SUGP1: variants seen among roughly 807,000 people sequenced by gnomAD.
The protein encoded by SUGP1 is SURP and G-patch domain-containing protein 1.
In SUGP1, 34 loss-of-function variants were observed where a neutral mutation model predicts 76.5. That is an observed-to-expected ratio of 0.44 (90% confidence interval 0.34 to 0.59). The LOEUF is 0.59. Among genes scored for constraint, SUGP1 ranks in the 20% least tolerant of loss-of-function variants. SUGP1 has a pLI of 0.01. For synonymous variants in SUGP1, 326 were observed against 326.2 expected, an observed-to-expected ratio of 1.00 and a Z score of 0.01; for missense variants, 752 against 851.7, an observed-to-expected ratio of 0.88 and a Z score of 1.46.
intron 2 of SUGP1, among the ~76,000 whole-genome samples, chr19:19,312,784 G>A (rs1268104632): frequency 2.0e-5 from 3 of 151,624 alleles, no homozygotes; most frequent in Admixed American, 6.6e-5. Context: ...TCAGGAGATC[G>A]AGACCATCCT....
rs140052030 is a variant in SUGP1, at chr19:19,279,125, C to T, written c.1528+88G>A. ...GCTAAACCAGGATGGCAGCTCAAGA[C>T]CACGTGTGGCGCATCCAGGTAACCT... is the stretch of plus-strand genomic sequence containing the variant. On this transcript the variant is annotated intron_variant, in intron 10 of 13. Coordinates refer to ENST00000247001, the MANE Select transcript of SUGP1 (RefSeq NM_172231.4). 1.1e-3 allele frequency: 1,490 copies of T among 1,390,274 alleles called. 9 individuals are homozygous for T. The African/African-American group carries it at 0.019, about 18-fold the overall frequency. 86.1% of individuals were successfully genotyped at this position (1,390,274 alleles called of 1,614,324 possible).
At chr19:19,276,890 C>G in intron 13 of SUGP1, 57 bp downstream of exon 13, 16 of 1,602,334 alleles carry the variant, frequency 1.0e-5, no homozygotes, top group Non-Finnish European at 1.4e-5. Context: ...GCCTTCTGTT[C>G]CTACCACCAC....
chr19:19,311,233 C>A (rs2061350752), intron 2 of SUGP1, among the ~76,000 whole-genome samples: 1 of 151,694 alleles, frequency 6.6e-6, no homozygotes, highest in Non-Finnish European at 1.5e-5. Flanking sequence ...GCTCTGACAA[C>A]AGTATATCAG....
At chr19:19,279,058 C>T (rs973244493) in intron 10 of SUGP1, among the ~76,000 whole-genome samples, 155 bp downstream of exon 10, 1 of 152,178 alleles carries the variant, frequency 6.6e-6, no homozygotes, top group African/African-American at 2.4e-5. Context: ...AGAGACTGAG[C>T]CTCTCACTCC....
chr19:19,310,102 C>G lies in SUGP1; in HGVS notation c.305G>C (p.Ser102Thr), dbSNP rs1273127969. 1 of 1,613,084 alleles carries G rather than the reference C, an allele frequency of 6.2e-7. No homozygotes were observed. The highest frequency in any genetic ancestry group is 1.1e-5 in the South Asian group (1 of 91,058). ...QFLKLQKAQTSTDAPTSAPSA... is the reference protein window; with the variant it reads ...QFLKLQKAQTTTDAPTSAPSA... ...AAGGGGAGGCCTACACTCACCTGTG[C>G]TGGTCTGTGCCTTCTGCAACTTCAG... Residue 102 changes from serine to threonine, a missense_variant, in exon 3 of 14, where the codon AGC becomes ACC. Physicochemically the swap from Ser to Thr is moderately conservative, Grantham distance 58 (BLOSUM62 1). Coordinates refer to ENST00000247001, the MANE Select transcript of SUGP1 (RefSeq NM_172231.4).
In SUGP1 at chr19:19,310,258, C is replaced by T. The variant is rs984083646; in HGVS notation, c.207-58G>A. 1.1e-4 allele frequency: 144 copies of T among 1,343,850 alleles called. No homozygotes were observed. The highest frequency in any genetic ancestry group is 1.4e-4 in the Non-Finnish European group (133 of 936,742). The allele number at this position is 1,343,850 out of a possible 1,614,324, so 83.2% of individuals were successfully genotyped here. A position where few individuals can be genotyped will look rare whatever the true frequency, so the allele number is the denominator to read the frequency against. ...CTGGCTAGAGATGGAGTGAGGGCACCAGAGGACGAGGATGAGGATGAGGCC... is the reference window on the plus strand; with the variant it reads ...CTGGCTAGAGATGGAGTGAGGGCACTAGAGGACGAGGATGAGGATGAGGCC... On this transcript the variant is annotated intron_variant, in intron 2 of 13. Coordinates refer to ENST00000247001, the MANE Select transcript of SUGP1 (RefSeq NM_172231.4).
chr19:19,294,711 C>G (rs1413353339), intron 8 of SUGP1, among the ~76,000 whole-genome samples: 1 of 151,564 alleles, frequency 6.6e-6, no homozygotes, highest in Non-Finnish European at 1.5e-5. Flanking sequence ...CTAGGGAGGG[C>G]TGGATTACAG....
intron 2 of SUGP1, among the ~76,000 whole-genome samples, chr19:19,315,399 G>C (rs2061386237): frequency 6.6e-6 from 1 of 151,994 alleles, no homozygotes; most frequent in African/African-American, 2.4e-5. Flanking sequence ...CTACACTCCA[G>C]ACCCCAGAGG....
chr19:19,315,048 G>A (rs868600143), intron 2 of SUGP1, among the ~76,000 whole-genome samples: 4 of 151,414 alleles, frequency 2.6e-5, no homozygotes, highest in Admixed American at 6.6e-5. Flanking sequence ...AAAGGCAAAC[G>A]CTGCTGGGTG....
At chr19:19,285,028 T>C (rs374791037) in intron 8 of SUGP1, among the ~76,000 whole-genome samples, 3,018 of 149,444 alleles carry the variant, frequency 0.02, 107 homozygotes, top group African/African-American at 0.072. Flanking sequence ...CCACCGTGCC[T>C]GGCTAATTTT....
chr19:19,298,226 G>A lies in SUGP1; in HGVS notation c.888-882C>T, dbSNP rs182243545. On this transcript the variant is annotated intron_variant, in intron 7 of 13. Coordinates refer to ENST00000247001, the MANE Select transcript of SUGP1 (RefSeq NM_172231.4). ...CCTTTGTGTTACAGAGGCCGGGCGC[G>A]GTGGCTCACGCCTGTAATCCCAGCT... is the stretch of plus-strand genomic sequence containing the variant. 5.3e-5 allele frequency among the ~76,000 whole-genome samples: 8 copies of A among 152,342 alleles called. No individual in the cohort carries two copies. In the East Asian group the frequency reaches 9.6e-4, roughly 18 times the overall value.
intron 8 of SUGP1, among the ~76,000 whole-genome samples, chr19:19,282,340 TG>T (rs1391756372): frequency 1.3e-5 from 2 of 150,342 alleles, no homozygotes; most frequent in Non-Finnish European, 3.0e-5. Context: ...GGCTCATGCC[TG>T]TAATCCCAGC....
chr19:19,310,833 G>C (rs1305088576), intron 2 of SUGP1, among the ~76,000 whole-genome samples: 4 of 151,996 alleles, frequency 2.6e-5, no homozygotes, highest in African/African-American at 9.7e-5. Flanking sequence ...TGTAGAGATG[G>C]GGTTTCGCTA....
At chr19:19,291,010 G>A (rs534381464) in intron 8 of SUGP1, among the ~76,000 whole-genome samples, 17 of 152,034 alleles carry the variant, frequency 1.1e-4, no homozygotes, top group Admixed American at 2.6e-4. Flanking sequence ...CCAGCTACTC[G>A]GGAGGCTGGG....
chr19:19,277,089 G>A lies in SUGP1; in HGVS notation c.1782-13C>T, dbSNP rs371206298. On this transcript the variant is annotated splice_polypyrimidine_tract_variant and intron_variant, in intron 12 of 13. Transcript: ENST00000247001. ...TGTGGTGGTGCCCCTACAGGGAGAA[G>A]AGGATGTGAGCAGGGACCTGGGGCC... 41 of 1,604,606 alleles carry A rather than the reference G, an allele frequency of 2.6e-5. No individual in the cohort carries two copies. The highest frequency in any genetic ancestry group is 3.3e-5 in the Non-Finnish European group (39 of 1,178,254).
At position 19,282,751 on chromosome 19, in the gene SUGP1, G is replaced by A. The variant is rs140469808; in HGVS notation, c.1244-2460C>T. 8.5e-5 allele frequency among the ~76,000 whole-genome samples: 13 copies of A among 152,146 alleles called. No individual in the cohort carries two copies. In the East Asian group the frequency reaches 2.3e-3, roughly 27 times the overall value. ...ATTCGAAAAAAGTCAGATGAACCAC[G>A]TAGCCTAGAAATACTGAAAAAAAAA... is the stretch of plus-strand genomic sequence containing the variant. On this transcript the variant is annotated intron_variant, in intron 8 of 13. Transcript: ENST00000247001.
rs781470581 is a variant in SUGP1 at position 19,316,424 on chromosome 19, G to A, written c.204C>T (p.Gly68=). ...TCCAGGCCCCAGCAGGCACTTACTC[G>A]CCAGGATGTGGGGGCTGAGGGCTGG... is the stretch of plus-strand genomic sequence containing the variant. ...QVASPQPPHP[G]EITNAHNSSC... is the part of the protein sequence containing the mutation. The change falls in exon 2 of 14, where the codon GGC becomes GGT. Residue 68 remains glycine, a splice_region_variant and synonymous_variant. Transcript: ENST00000247001. The A allele has an allele frequency of 5.0e-6, 8 of 1,613,834 alleles. No individual in the cohort carries two copies. Among genetic ancestry groups the A allele is most frequent in the East Asian group, 2.2e-5 (1 of 44,832 alleles).
At chr19:19,314,007 G>A (rs912399165) in intron 2 of SUGP1, among the ~76,000 whole-genome samples, 3 of 152,054 alleles carry the variant, frequency 2.0e-5, no homozygotes, top group Admixed American at 1.3e-4. Context: ...GCACGATGGT[G>A]GGTTCCTGTA....
intron 4 of SUGP1, 22 bp from the exon 5 acceptor site, chr19:19,303,869 T>TG (rs772179908): frequency 6.2e-7 from 1 of 1,613,554 alleles, no homozygotes. Context: ...CTGTCAGTAC[T>TG]GGGGTTCAAC....
Sources: gnomAD v4.1 joint callset for allele counts (sites outside exome capture counted in the v4.1 genomes callset) on GRCh38, gnomAD v4.1.1 for gene constraint, MANE v1.5 for transcripts, NCBI Gene and HGNC (gene_info 2026-07-23, HGNC 2026-07-21) for gene names.